Variants in MROH2B observed in about 807,000 individuals in gnomAD.
MROH2B encodes the protein maestro heat like repeat family member 2B, also known as maestro heat-like repeat-containing protein family member 2B.
A neutral mutation model predicts 208.6 loss-of-function variants in MROH2B; 177 were observed. That is an observed-to-expected ratio of 0.85 (90% confidence interval 0.75 to 0.96). The LOEUF is 0.96. Among genes scored for constraint, MROH2B ranks in the 40% least tolerant of loss-of-function variants. The probability of loss-of-function intolerance (pLI) is 0.00; values close to 1 mark genes in which losing one functional copy is unlikely to be tolerated. For missense variants in MROH2B, 2,002 were observed against 1,878.7 expected (o/e 1.07, Z -1.21); for synonymous variants, 728 against 659.0 (o/e 1.10, Z -1.60).
rs1741260750 is a variant in MROH2B, at chr5:40,998,031, A to G, written c.*21T>C. On this transcript the variant is annotated 3_prime_UTR_variant, in exon 42 of 42. Coordinates refer to ENST00000399564, the MANE Select transcript of MROH2B (RefSeq NM_173489.5). ...ACAGGAGTCAGATATAGGAAAAGCC[A>G]GCAGTTTATTTCTTGATGGCTTACA... is the stretch of plus-strand genomic sequence containing the variant. The G allele has an allele frequency of 1.9e-6, 3 of 1,553,576 alleles. No homozygotes were observed. In the East Asian group the frequency reaches 6.8e-5, roughly 35 times the overall value.
In MROH2B at chr5:41,070,921, A is replaced by G. The variant is rs1198886080; in HGVS notation, c.-69T>C. On this transcript the variant is annotated 5_prime_UTR_variant, in exon 1 of 42. Coordinates refer to ENST00000399564, the MANE Select transcript of MROH2B (RefSeq NM_173489.5). Reference sequence around the variant, plus strand: ...TAGAAATAGTAAGGCTAAAAAATCAAAGAGGCAGGTTGGCAAGTTTCTCAT... The same window carrying G: ...TAGAAATAGTAAGGCTAAAAAATCAGAGAGGCAGGTTGGCAAGTTTCTCAT... 15 of 1,537,410 alleles carry G rather than the reference A, an allele frequency of 9.8e-6. No individual in the cohort carries two copies. The highest frequency in any genetic ancestry group is 1.3e-5 in the Non-Finnish European group (15 of 1,124,302).
At chr5:41,052,655 A>T in intron 11 of MROH2B, 68 bp from the exon 12 acceptor site, 1 of 1,409,198 alleles carries the variant, frequency 7.1e-7, no homozygotes, top group South Asian at 1.5e-5. Flanking sequence ...ACCTTATTTT[A>T]TTCTATAATC....
chr5:41,005,570 CGAG>C lies in MROH2B; in HGVS notation c.3822_3824del (p.Ser1275del). ...CTGCGCCGGTTATCCGGTAGTTCTC[CGAG>C]GAGGAGGTAAGAGATGAGAGCAGCT... On this transcript the variant is annotated inframe_deletion, in exon 35 of 42. Transcript: ENST00000399564. 5 of 1,609,908 alleles carry C rather than the reference CGAG, an allele frequency of 3.1e-6. No homozygotes were observed. Among genetic ancestry groups the C allele is most frequent in the Non-Finnish European group, 4.2e-6 (5 of 1,178,196 alleles).
rs974961893 is a variant in MROH2B, at chr5:41,005,681, C to T, written c.3750-36G>A. ...CACATTTTAGCAGAGACATATTTTA[C>T]TAAACAATGGAGGAAATCTTAGTCT... On this transcript the variant is annotated intron_variant, in intron 34 of 41. Transcript: ENST00000399564. 7 of 1,504,074 alleles carry T rather than the reference C, an allele frequency of 4.7e-6. No individual in the cohort carries two copies. The African/African-American group carries it at 5.5e-5, about 12-fold the overall frequency. The allele number at this position is 1,504,074 out of a possible 1,614,324, so 93.2% of individuals were successfully genotyped here.
chr5:41,068,005 A>G (rs2150184438), intron 2 of MROH2B, among the ~76,000 whole-genome samples: 1 of 152,306 alleles, frequency 6.6e-6, no homozygotes, highest in South Asian at 2.1e-4. Flanking sequence ...CTGCAGACAG[A>G]AAGTTGTGGA....
Position 41,061,639 on chromosome 5 carries a change from C to A in MROH2B, c.546G>T (p.Leu182=), listed in dbSNP as rs747999774. ...FPYPRLDANR[L]SDKIFMLFWY... is the part of the protein sequence containing the mutation. ...AGAACAGCATGAAGATCTTGTCAGACAGTCGGTTGGCATCCAGTCTGGGGT... is the reference window on the plus strand; with the variant it reads ...AGAACAGCATGAAGATCTTGTCAGAAAGTCGGTTGGCATCCAGTCTGGGGT... The change falls in exon 6 of 42, where the codon CTG becomes CTT. Residue 182 remains leucine (L), a synonymous_variant. Transcript: ENST00000399564. 28 of 1,613,830 alleles carry A rather than the reference C, an allele frequency of 1.7e-5. No individual in the cohort carries two copies. The highest frequency in any genetic ancestry group is 2.7e-5 in the African/African-American group (2 of 74,924).
intron 28 of MROH2B, among the ~76,000 whole-genome samples, chr5:41,015,849 A>G (rs1741931536): frequency 6.6e-6 from 1 of 152,202 alleles, no homozygotes; most frequent in Non-Finnish European, 1.5e-5. Context: ...CTACTCTGCT[A>G]TGCTGCTATC....
At chr5:41,023,435 G>A (rs1251912342) in intron 24 of MROH2B, among the ~76,000 whole-genome samples, 2 of 152,056 alleles carry the variant, frequency 1.3e-5, no homozygotes, top group African/African-American at 4.8e-5. Flanking sequence ...TGGAAGAAAG[G>A]GTATCAGTGA....
chr5:41,026,417 G>A (rs1742362358), intron 24 of MROH2B, among the ~76,000 whole-genome samples: 1 of 152,102 alleles, frequency 6.6e-6, no homozygotes, highest in Admixed American at 6.6e-5. Context: ...GCCAAATCAT[G>A]AGTGAACTCC....
At chr5:41,045,995 C>G (rs966093368) in intron 17 of MROH2B, 142 bp from the exon 18 acceptor site, 7 of 446,428 alleles carry the variant, frequency 1.6e-5, no homozygotes, top group Non-Finnish European at 2.7e-5. Flanking sequence ...CTAATTCCTT[C>G]GAAACTTTCC....
chr5:41,056,956 G>C, intron 9 of MROH2B, 153 bp downstream of exon 9: 1 of 768,480 alleles, frequency 1.3e-6, no homozygotes, highest in Non-Finnish European at 2.1e-6. Flanking sequence ...TGTGGGGAGA[G>C]GGGCAGGCAC....
chr5:41,055,936 C>T, intron 9 of MROH2B, 81 bp from the exon 10 acceptor site: 1 of 965,780 alleles, frequency 1.0e-6, no homozygotes, highest in Non-Finnish European at 1.7e-6. Context: ...GGGAAATTCA[C>T]CATGAAGATT....
At chr5:41,045,649 T>A in intron 18 of MROH2B, 97 bp downstream of exon 18, 1 of 839,348 alleles carries the variant, frequency 1.2e-6, no homozygotes, top group Non-Finnish European at 2.0e-6. Context: ...TAAATGTTCC[T>A]CCCTCCCTTT....
Position 41,018,994 on chromosome 5 carries a change from T to G in MROH2B, c.2466A>C (p.Leu822=). The change falls in exon 25 of 42, where the codon CTA becomes CTC. Residue 822 remains leucine, a synonymous_variant. Transcript: ENST00000399564. ...CCTCAAGAATGTTAAGGTGGTCTTG[T>G]AGTGAGAGCTGAGGTTTCAGTTTAC... is the stretch of plus-strand genomic sequence containing the variant. ...YLSKLKPQLS[L]QDHLNILEEN... is the part of the protein sequence containing the mutation. 1 of 1,613,820 alleles carries G rather than the reference T, an allele frequency of 6.2e-7. No homozygotes were observed. The highest frequency in any genetic ancestry group is 8.5e-7 in the Non-Finnish European group (1 of 1,179,838).
chr5:41,028,680 A>AAATATCAC (rs1417639355), intron 24 of MROH2B, among the ~76,000 whole-genome samples: 23 of 152,208 alleles, frequency 1.5e-4, no homozygotes, highest in Non-Finnish European at 3.4e-4. Context: ...TTGTGGGTAT[A>AAATATCAC]AATATCACAA....
At chr5:41,047,574 G>C in intron 17 of MROH2B, 147 bp downstream of exon 17, 1 of 663,954 alleles carries the variant, frequency 1.5e-6, no homozygotes, top group South Asian at 2.2e-5. Context: ...ATCCTTGAGT[G>C]ATCACTTCTA....
At chr5:41,035,074 C>A (rs112800665) in intron 21 of MROH2B, among the ~76,000 whole-genome samples, 2,956 of 152,100 alleles carry the variant, frequency 0.019, 109 homozygotes, top group African/African-American at 0.067. Flanking sequence ...CAATGTCATT[C>A]TTCACAGAAT....
At chr5:41,005,701 T>C in intron 34 of MROH2B, 56 bp from the exon 35 acceptor site, 7 of 1,382,082 alleles carry the variant, frequency 5.1e-6, no homozygotes, top group South Asian at 5.0e-5. Context: ...GAGGAAATCT[T>C]AGTCTGTTTG....
chr5:41,050,954 AGT>A, intron 13 of MROH2B, 21 bp downstream of exon 13: 2 of 1,459,018 alleles, frequency 1.4e-6, no homozygotes, highest in East Asian at 2.4e-5. Flanking sequence ...AGTAACTGTA[AGT>A]GGTGACAAAA....
Sources: allele counts gnomAD v4.1 joint callset (sites outside exome capture counted in the v4.1 genomes callset), GRCh38; gene constraint gnomAD v4.1.1; transcripts MANE v1.5; gene names NCBI Gene and HGNC (gene_info 2026-07-23, HGNC 2026-07-21).